CTIF: variants seen among roughly 807,000 people sequenced by gnomAD.
CTIF encodes CBP80/20-dependent translation initiation factor.
CTIF carries 21 observed loss-of-function variants against 66.0 expected under a neutral mutation model. That is an observed-to-expected ratio of 0.32 (90% CI 0.23 to 0.46). The LOEUF is 0.46. CTIF is among the 20% of genes least tolerant of loss of function. The probability of loss-of-function intolerance (pLI) is 1.00; values close to 1 mark genes in which losing one functional copy is unlikely to be tolerated. For missense variants in CTIF, 739 were observed against 812.7 expected, an observed-to-expected ratio of 0.91 and a Z score of 1.10; for synonymous variants, 345 against 326.4, an observed-to-expected ratio of 1.06 and a Z score of -0.62.
intron 1 of CTIF, among the ~76,000 whole-genome samples, chr18:48,606,589 C>T (rs537188306): frequency 3.7e-4 from 56 of 152,360 alleles, no homozygotes; most frequent in Middle Eastern, 6.8e-3. Context: ...TTCTGGCACC[C>T]TGGACAGGAC....
intron 1 of CTIF, chr18:48,540,215 G>A (rs901968817): frequency 9.2e-5 from 14 of 152,312 alleles, no homozygotes; most frequent in Admixed American, 7.2e-4. Flanking sequence ...CGGGCCTGGG[G>A]AATAGATACG....
chr18:48,730,368 C>CACGGTGTGTGGGG (rs2092434222), intron 7 of CTIF, among the ~76,000 whole-genome samples: 1 of 89,262 alleles, frequency 1.1e-5, no homozygotes, highest in Non-Finnish European at 2.4e-5. Context: ...GTGAGGGGCC[C>CACGGTGTGTGGGG]CTGCGGTGTG....
At chr18:48,605,449 G>A (rs1038103072) in intron 1 of CTIF, among the ~76,000 whole-genome samples, 24 of 152,190 alleles carry the variant, frequency 1.6e-4, no homozygotes, top group African/African-American at 5.6e-4. Flanking sequence ...GGATTTCTCA[G>A]TTAATTATCT....
intron 9 of CTIF, among the ~76,000 whole-genome samples, chr18:48,776,814 A>G (rs1231899560): frequency 6.6e-6 from 1 of 152,222 alleles, no homozygotes; most frequent in Non-Finnish European, 1.5e-5. Flanking sequence ...GCAGTTGTTT[A>G]TCCCAAACAG....
At position 48,711,610 on chromosome 18, in the gene CTIF, A is replaced by G; in HGVS notation, c.508-9A>G. 1 of 1,612,610 alleles carries G rather than the reference A, an allele frequency of 6.2e-7. No homozygotes were observed. Among genetic ancestry groups the G allele is most frequent in the Non-Finnish European group, 8.5e-7 (1 of 1,179,022 alleles). ...ACTAATGATCCCCCTTCCTCCCCCC[A>G]TGACACAGGGCTACCACCCGATGCC... is the stretch of plus-strand genomic sequence containing the variant. On this transcript the variant is annotated splice_polypyrimidine_tract_variant and intron_variant, in intron 6 of 11. Transcript: ENST00000256413.
intron 9 of CTIF, among the ~76,000 whole-genome samples, chr18:48,776,763 G>A (rs757173311): frequency 7.9e-5 from 12 of 152,238 alleles, no homozygotes; most frequent in Non-Finnish European, 1.5e-4. Flanking sequence ...AACCCACTGC[G>A]GGTGGGAAGA....
intron 9 of CTIF, among the ~76,000 whole-genome samples, chr18:48,777,817 T>G (rs1910831924): frequency 1.3e-5 from 2 of 152,160 alleles, no homozygotes; most frequent in Non-Finnish European, 2.9e-5. Context: ...GCAGCCAGGG[T>G]CAAGGGCAGG....
chr18:48,817,472 C>T (rs375148101), intron 10 of CTIF, 96 bp downstream of exon 10: 8 of 1,460,598 alleles, frequency 5.5e-6, no homozygotes, highest in South Asian at 2.6e-5. Context: ...AGGGTAGGCT[C>T]ACTTAGAAAG....
chr18:48,657,961 G>A (rs1050999584), intron 3 of CTIF, among the ~76,000 whole-genome samples: 1 of 152,146 alleles, frequency 6.6e-6, no homozygotes. Flanking sequence ...CCAGAGGTGA[G>A]GGTGGTGGGA....
chr18:48,579,398 G>A (rs1190360784), intron 1 of CTIF, among the ~76,000 whole-genome samples: 1 of 152,122 alleles, frequency 6.6e-6, no homozygotes, highest in Admixed American at 6.5e-5. Flanking sequence ...TGCCTGCCTC[G>A]GCTTCCCAAA....
In CTIF at chr18:48,862,552, C is replaced by T. The variant is rs1475844603; in HGVS notation, c.*2993C>T. ...GGGATGTGCACCCTCAGACCCCATT[C>T]TCTCTGTTCGTCCTTCCTTGACCAG... On this transcript the variant is annotated 3_prime_UTR_variant, in exon 12 of 12. Transcript: ENST00000256413. 1 of 152,742 alleles carries T rather than the reference C, an allele frequency of 6.5e-6. No individual in the cohort carries two copies. Among genetic ancestry groups the T allele is most frequent in the African/African-American group, 2.4e-5 (1 of 41,468 alleles). 9.5% of individuals were successfully genotyped at this position (152,742 alleles called of 1,614,324 possible).
intron 9 of CTIF, among the ~76,000 whole-genome samples, chr18:48,762,487 G>A (rs1243816353): frequency 6.6e-6 from 1 of 152,216 alleles, no homozygotes; most frequent in Non-Finnish European, 1.5e-5. Flanking sequence ...TCATGGGATG[G>A]TGGCCACATC....
chr18:48,731,205 G>A (rs2092454482), intron 7 of CTIF, among the ~76,000 whole-genome samples: 1 of 152,106 alleles, frequency 6.6e-6, no homozygotes, highest in African/African-American at 2.4e-5. Flanking sequence ...AAACCCACAA[G>A]GGAGGACCAC....
At chr18:48,663,883 C>A in intron 4 of CTIF, 58 bp downstream of exon 4, 1 of 1,480,250 alleles carries the variant, frequency 6.8e-7, no homozygotes, top group Non-Finnish European at 9.5e-7. Flanking sequence ...AAACTGGCTT[C>A]CTTGGGGACG....
At chr18:48,588,237 C>T (rs2089813956) in intron 1 of CTIF, among the ~76,000 whole-genome samples, 1 of 152,216 alleles carries the variant, frequency 6.6e-6, no homozygotes, top group Non-Finnish European at 1.5e-5. Flanking sequence ...TCCCTGATTC[C>T]ACTTTCTCTA....
chr18:48,543,086 C>T (rs1015185640), intron 1 of CTIF, among the ~76,000 whole-genome samples: 3 of 152,168 alleles, frequency 2.0e-5, no homozygotes, highest in African/African-American at 7.2e-5. Flanking sequence ...TTTATCTAAT[C>T]CCAAACTCAC....
intron 7 of CTIF, among the ~76,000 whole-genome samples, chr18:48,749,974 A>T: frequency 6.6e-6 from 1 of 150,952 alleles, no homozygotes; most frequent in Non-Finnish European, 1.5e-5. Context: ...GAGCCTGGCG[A>T]CTCCCCAGGG....
At chr18:48,733,792 C>G (rs1290617242) in intron 7 of CTIF, among the ~76,000 whole-genome samples, 1 of 152,190 alleles carries the variant, frequency 6.6e-6, no homozygotes, top group Non-Finnish European at 1.5e-5. Context: ...ACACTCAGCT[C>G]CCACCAGCCC....
intron 1 of CTIF, among the ~76,000 whole-genome samples, chr18:48,553,659 C>A (rs932316810): frequency 6.6e-6 from 1 of 150,932 alleles, no homozygotes; most frequent in African/African-American, 2.4e-5. Context: ...TTTTCTTTTT[C>A]CTTTTTTTTT....
Sources: gnomAD v4.1 joint callset for allele counts (sites outside exome capture counted in the v4.1 genomes callset) on GRCh38, gnomAD v4.1.1 for gene constraint, MANE v1.5 for transcripts, NCBI Gene and HGNC (gene_info 2026-07-23, HGNC 2026-07-21) for gene names.